CEP192: variants seen among roughly 807,000 people sequenced by gnomAD.
CEP192 encodes centrosomal protein of 192 kDa.
Under a neutral mutation model 271.8 loss-of-function variants are expected in CEP192, and 151 were observed. The ratio of observed to expected loss-of-function variants is 0.56; its 90% CI spans 0.49 to 0.64. CEP192 has a LOEUF of 0.64. Among genes scored for constraint, CEP192 ranks in the 30% least tolerant of loss-of-function variants. The pLI is 0.00. For synonymous variants in CEP192, 995 were observed against 1,076.5 expected (o/e 0.92, Z 1.48); for missense variants, 2,910 against 3,020.5 (o/e 0.96, Z 0.86).
rs753981447 is a variant in CEP192, at chr18:13,071,040, A to T, written c.5176A>T (p.Ile1726Phe). 23 of 1,611,518 alleles carry T rather than the reference A, an allele frequency of 1.4e-5. No individual in the cohort carries two copies. Among genetic ancestry groups the T allele is most frequent in the Non-Finnish European group, 2.0e-5 (23 of 1,178,596 alleles). ...AACTTAGAATTCTTTCTTTCTTAGG[A>T]TCTTGAAAATATTTGTGCAGCCATT... ...PKDPEACEER[I>F]LKIFVQPFGP... Residue 1726 changes from isoleucine to phenylalanine, a missense_variant and splice_region_variant, in exon 28 of 45, where the codon ATC becomes TTC. Coordinates refer to ENST00000506447, the MANE Select transcript of CEP192 (RefSeq NM_032142.4).
intron 44 of CEP192, among the ~76,000 whole-genome samples, chr18:13,123,438 T>G (rs892437055): frequency 6.6e-6 from 1 of 152,220 alleles, no homozygotes; most frequent in African/African-American, 2.4e-5. Flanking sequence ...TTTGAAATAC[T>G]GAAGCTGTTT....
At chr18:13,095,239 C>T (rs1052638240) in intron 34 of CEP192, among the ~76,000 whole-genome samples, 1 of 152,056 alleles carries the variant, frequency 6.6e-6, no homozygotes, top group African/African-American at 2.4e-5. Context: ...TAGCCTTAAG[C>T]AATCCTCCCG....
chr18:13,041,714 G>A (rs1160225228), intron 14 of CEP192, among the ~76,000 whole-genome samples: 2 of 151,694 alleles, frequency 1.3e-5, no homozygotes, highest in Non-Finnish European at 2.9e-5. Context: ...ACGGGCTCAC[G>A]CCACCATGCT....
At chr18:13,011,990 T>TA (rs2034386732) in intron 4 of CEP192, among the ~76,000 whole-genome samples, 1 of 152,228 alleles carries the variant, frequency 6.6e-6, no homozygotes, top group Non-Finnish European at 1.5e-5. Context: ...AAAGTACTGA[T>TA]ACGTGCTTTA....
chr18:13,056,829 G>A, intron 19 of CEP192, 131 bp downstream of exon 19: 1 of 787,110 alleles, frequency 1.3e-6, no homozygotes, highest in Non-Finnish European at 2.0e-6. Flanking sequence ...CCTAAACTGA[G>A]AACACCGTGT....
In CEP192 at chr18:13,049,765, A is replaced by T; in HGVS notation, c.2891A>T (p.Asp964Val). ...NHRIVSPKNSDLKNTSPEHGG... is the reference protein window; with the variant it reads ...NHRIVSPKNSVLKNTSPEHGG... The stretch of plus-strand genomic sequence containing the variant: ...ACTGGAAAATACCCCTTTCTGATAG[A>T]TTTGAAAAATACCTCTCCTGAGCAT... The change falls in exon 17 of 45, where the codon GAT (aspartate) becomes GTT (valine). Residue 964 changes from aspartate (D) to valine (V), a missense_variant and splice_region_variant. Transcript: ENST00000506447. The T allele has an allele frequency of 6.2e-7, 1 of 1,609,752 alleles. No homozygotes were observed. Among genetic ancestry groups the T allele is most frequent in the East Asian group, 2.2e-5 (1 of 44,848 alleles).
intron 40 of CEP192, among the ~76,000 whole-genome samples, chr18:13,112,440 T>C (rs912277674): frequency 1.3e-5 from 2 of 152,316 alleles, no homozygotes; most frequent in Non-Finnish European, 2.9e-5. Context: ...AGAGAGAAAG[T>C]AGAGCCTGCT....
intron 28 of CEP192, 102 bp downstream of exon 28, chr18:13,071,314 C>T: frequency 3.1e-6 from 3 of 972,608 alleles, no homozygotes; most frequent in East Asian, 2.6e-5. Flanking sequence ...AGACACTCTT[C>T]AGGCTCAATT....
chr18:13,030,131 A>G, intron 10 of CEP192, 129 bp downstream of exon 10: 1 of 779,524 alleles, frequency 1.3e-6, no homozygotes, highest in South Asian at 2.0e-5. Context: ...GTTTAAACAA[A>G]ATTTTAAATC....
intron 30 of CEP192, among the ~76,000 whole-genome samples, chr18:13,081,306 A>G (rs1276180315): frequency 1.3e-5 from 2 of 152,096 alleles, no homozygotes; most frequent in Non-Finnish European, 2.9e-5. Flanking sequence ...TATTGCCTTA[A>G]TTTTAGAGCC....
At chr18:13,075,950 C>G (rs2038250701) in intron 30 of CEP192, among the ~76,000 whole-genome samples, 1 of 152,164 alleles carries the variant, frequency 6.6e-6, no homozygotes, top group African/African-American at 2.4e-5. Flanking sequence ...TCATCTGGAG[C>G]AGTGGTTCTC....
At chr18:12,996,592 A>G (rs2033260348) in intron 1 of CEP192, among the ~76,000 whole-genome samples, 1 of 152,094 alleles carries the variant, frequency 6.6e-6, no homozygotes, top group African/African-American at 2.4e-5. Flanking sequence ...GAGTTGATGG[A>G]AGAAGTTGAA....
chr18:13,116,406 A>T lies in CEP192; in HGVS notation c.7319A>T (p.Tyr2440Phe). Residue 2440 changes from tyrosine (Y) to phenylalanine (F), a missense_variant, in exon 43 of 45, where the codon TAT (tyrosine) becomes TTT (phenylalanine). By Grantham distance (22) the Tyr-to-Phe change is conservative. Transcript: ENST00000506447. Reference protein sequence around the residue: ...EQLDVTARGVYAPEDVYRFRP... With the variant: ...EQLDVTARGVFAPEDVYRFRP... ...CTTGATGTGACTGCTCGTGGAGTTT[A>T]TGCCCCAGAGGATGTGTACAGGTTC... 6.2e-7 allele frequency: 1 copy of T among 1,612,806 alleles called. No homozygotes were observed. Among genetic ancestry groups the T allele is most frequent in the Non-Finnish European group, 8.5e-7 (1 of 1,179,700 alleles).
At chr18:13,098,740 C>T (rs896929227) in intron 36 of CEP192, among the ~76,000 whole-genome samples, 12 of 151,812 alleles carry the variant, frequency 7.9e-5, no homozygotes, top group Non-Finnish European at 1.3e-4. Flanking sequence ...AGATGATGGG[C>T]GGCCAGGCAG....
chr18:13,064,948 A>G (rs915016625), intron 21 of CEP192, among the ~76,000 whole-genome samples: 6 of 151,898 alleles, frequency 4.0e-5, no homozygotes, highest in Non-Finnish European at 8.8e-5. Flanking sequence ...GTCCTCTTCA[A>G]TTTTCTTCAT....
intron 18 of CEP192, among the ~76,000 whole-genome samples, chr18:13,053,597 G>A (rs1472460196): frequency 6.6e-6 from 1 of 152,224 alleles, no homozygotes; most frequent in Non-Finnish European, 1.5e-5. Context: ...GAGGCTAGAA[G>A]AGGGGGGACC....
Position 13,105,075 on chromosome 18 carries a change from A to T in CEP192, c.7043A>T (p.Gln2348Leu), listed in dbSNP as rs1377945231. 1.2e-6 allele frequency: 2 copies of T among 1,609,570 alleles called. No homozygotes were observed. The highest frequency in any genetic ancestry group is 1.7e-5 in the Admixed American group (1 of 59,996). ...GGTCTGCTGGAAAGCCATGGGATCC[A>T]AAAAGTAGGTTTTGATATTTTTTTC... ...ISGLLESHGI[Q>L]KVSITFLPRG... The change falls in exon 40 of 45, where the codon CAA (glutamine) becomes CTA (leucine). Residue 2348 changes from glutamine (Q) to leucine (L), a missense_variant. Gln to Leu is a moderately radical substitution (Grantham distance 113, BLOSUM62 -2). Transcript: ENST00000506447.
In CEP192 at chr18:13,015,474, C is replaced by T. The variant is rs1010971330; in HGVS notation, c.640+26C>T. 4 of 1,548,280 alleles carry T rather than the reference C, an allele frequency of 2.6e-6. No individual in the cohort carries two copies. The African/African-American group carries it at 5.5e-5, about 21-fold the overall frequency. On this transcript the variant is annotated intron_variant, in intron 6 of 44. Coordinates refer to ENST00000506447, the MANE Select transcript of CEP192 (RefSeq NM_032142.4). ...GTACTGCAGAGTAACCTGTGTTTCC[C>T]TGGTCTTCACCTTGCCACTCCACTT...
intron 36 of CEP192, 88 bp downstream of exon 36, chr18:13,096,395 T>C: frequency 2.6e-6 from 4 of 1,530,728 alleles, no homozygotes; most frequent in Non-Finnish European, 3.5e-6. Context: ...CATTGTAGTT[T>C]ATCCAGTTGA....
Sources: allele counts gnomAD v4.1 joint callset (sites outside exome capture counted in the v4.1 genomes callset), GRCh38; gene constraint gnomAD v4.1.1; transcripts MANE v1.5; gene names NCBI Gene and HGNC (gene_info 2026-07-23, HGNC 2026-07-21).